The following CDH12 variants were observed in gnomAD, a reference collection of about 807,000 sequenced individuals.
CDH12 encodes cadherin 12, also known as cadherin-12.
Under a neutral mutation model 74.1 loss-of-function variants are expected in CDH12, and 41 were observed. That is an observed-to-expected ratio of 0.55 (90% CI 0.43 to 0.72). CDH12 has a LOEUF of 0.72. CDH12 is among the 30% of genes least tolerant of loss of function. The pLI, the probability that CDH12 is intolerant of heterozygous loss-of-function variation, is 0.00. For synonymous variants in CDH12, 399 were observed against 355.0 expected, an observed-to-expected ratio of 1.12 and a Z score of -1.39; for missense variants, 945 against 977.2, an observed-to-expected ratio of 0.97 and a Z score of 0.44.
At chr5:22,401,564 A>C (rs1040154269) in intron 3 of CDH12, among the ~76,000 whole-genome samples, 1 of 152,126 alleles carries the variant, frequency 6.6e-6, no homozygotes, top group African/African-American at 2.4e-5. Context: ...TCTAGATTCT[A>C]TTTATTGAGG....
chr5:22,597,129 T>C (rs1452650841), intron 1 of CDH12, among the ~76,000 whole-genome samples: 1 of 152,148 alleles, frequency 6.6e-6, no homozygotes, highest in Non-Finnish European at 1.5e-5. Context: ...CAGGTAAAAA[T>C]TCTTTGTCCT....
intron 4 of CDH12, among the ~76,000 whole-genome samples, chr5:22,122,914 T>C (rs1745611040): frequency 6.6e-6 from 1 of 152,222 alleles, no homozygotes; most frequent in South Asian, 2.1e-4. Context: ...ACATCAGCTC[T>C]CCTTGTTCTC....
intron 1 of CDH12, among the ~76,000 whole-genome samples, chr5:22,780,781 T>C (rs1181469610): frequency 2.0e-5 from 3 of 152,158 alleles, no homozygotes; most frequent in Admixed American, 6.6e-5. Context: ...TTTCTCTCTT[T>C]TTTTTAAGTG....
intron 1 of CDH12, among the ~76,000 whole-genome samples, chr5:22,521,897 C>T (rs1737069751): frequency 6.6e-6 from 1 of 152,132 alleles, no homozygotes; most frequent in Non-Finnish European, 1.5e-5. Context: ...TTATATAAGA[C>T]TCATTTTTAT....
chr5:22,723,437 A>T (rs1744003268), intron 1 of CDH12, among the ~76,000 whole-genome samples: 1 of 152,150 alleles, frequency 6.6e-6, no homozygotes, highest in Admixed American at 6.6e-5. Context: ...TGTTAACATT[A>T]AATTTTGGCT....
At chr5:22,744,414 G>A (rs1015318707) in intron 1 of CDH12, among the ~76,000 whole-genome samples, 2 of 148,664 alleles carry the variant, frequency 1.3e-5, no homozygotes, top group East Asian at 2.0e-4. Flanking sequence ...GGGCGACAGA[G>A]TGAGACTCCG....
At chr5:22,666,640 T>C (rs1408713488) in intron 1 of CDH12, among the ~76,000 whole-genome samples, 1 of 152,138 alleles carries the variant, frequency 6.6e-6, no homozygotes, top group African/African-American at 2.4e-5. Flanking sequence ...ATTTTTTAAT[T>C]AACCTACTGC....
intron 1 of CDH12, among the ~76,000 whole-genome samples, chr5:22,571,302 CTCACTAAGCTTAA>C (rs1739527448): frequency 6.6e-6 from 1 of 151,892 alleles, no homozygotes; most frequent in Non-Finnish European, 1.5e-5. Flanking sequence ...TCATGCCTTC[CTCACTAAGCTTAA>C]TCATCTCTAA....
At chr5:22,262,102 A>G (rs967178882) in intron 3 of CDH12, among the ~76,000 whole-genome samples, 3 of 152,014 alleles carry the variant, frequency 2.0e-5, no homozygotes, top group Non-Finnish European at 2.9e-5. Context: ...AATAATGGCA[A>G]TGTAATGCAT....
chr5:22,426,875 A>C (rs1743960422), intron 2 of CDH12, among the ~76,000 whole-genome samples: 1 of 152,142 alleles, frequency 6.6e-6, no homozygotes, highest in South Asian at 2.1e-4. Flanking sequence ...ACCTAAACAA[A>C]CTAATTCTGA....
At chr5:22,425,149 G>C (rs1247235996) in intron 2 of CDH12, among the ~76,000 whole-genome samples, 1 of 94,024 alleles carries the variant, frequency 1.1e-5, no homozygotes, top group Non-Finnish European at 2.0e-5. Context: ...ATATATGTGT[G>C]TGTGTATATA....
In CDH12 at chr5:22,460,969, C is replaced by T. The variant is rs559840251; in HGVS notation, c.-428+44301G>A. Among the ~76,000 whole-genome samples the T allele has an allele frequency of 1.1e-3, 158 of 150,218 alleles. 1 individual carries two copies. Among genetic ancestry groups the T allele is most frequent in the Non-Finnish European group, 1.8e-3 (119 of 67,730 alleles). On this transcript the variant is annotated intron_variant, in intron 2 of 14. Coordinates refer to ENST00000382254, the MANE Select transcript of CDH12 (RefSeq NM_004061.5). ...TTCCTGACCCCAGGTGATCCACCTG[C>T]CTCGGCCTCCCAAAGTGCTGGGATT...
At chr5:22,798,251 C>T (rs530495608) in intron 1 of CDH12, among the ~76,000 whole-genome samples, 1 of 152,104 alleles carries the variant, frequency 6.6e-6, no homozygotes, top group South Asian at 2.1e-4. Flanking sequence ...TTCTCATTTC[C>T]TCTGAGGTTT....
Position 22,517,033 on chromosome 5 carries a change from T to A in CDH12, c.-522-11669A>T, listed in dbSNP as rs181214912. Among the ~76,000 whole-genome samples the A allele has an allele frequency of 5.3e-5, 8 of 152,124 alleles. No homozygotes were observed. In the East Asian group the frequency reaches 1.5e-3, roughly 29 times the overall value. ...TCATTATTGAATTACATTTTCTTTT[T>A]AAAATTTTTTAAAAAATAGCTATAG... On this transcript the variant is annotated intron_variant, in intron 1 of 14. Transcript: ENST00000382254.
chr5:22,057,758 A>T (rs1209612155), intron 5 of CDH12, among the ~76,000 whole-genome samples: 1 of 152,194 alleles, frequency 6.6e-6, no homozygotes, highest in African/African-American at 2.4e-5. Flanking sequence ...AATTACATGG[A>T]AACTCATAGA....
chr5:22,447,954 A>T (rs1439858787), intron 2 of CDH12, among the ~76,000 whole-genome samples: 1 of 146,926 alleles, frequency 6.8e-6, no homozygotes, highest in Non-Finnish European at 1.5e-5. Context: ...CAACCTGGGC[A>T]ACATGATGAG....
At chr5:22,699,796 T>C (rs2126957815) in intron 1 of CDH12, among the ~76,000 whole-genome samples, 1 of 152,304 alleles carries the variant, frequency 6.6e-6, no homozygotes, top group South Asian at 2.1e-4. Context: ...AATCAGAAGA[T>C]TGCCTAATGA....
chr5:22,330,924 C>A lies in CDH12; in HGVS notation c.-333+74333G>T, dbSNP rs530115245. ...CCATGGGCCAAAGGTGAGCACACTG[C>A]CCTAAAGTGTGAGTCCCAGGCTGGG... On this transcript the variant is annotated intron_variant, in intron 3 of 14. Coordinates refer to ENST00000382254, the MANE Select transcript of CDH12 (RefSeq NM_004061.5). Among the ~76,000 whole-genome samples the A allele has an allele frequency of 6.6e-5, 10 of 152,056 alleles. 1 individual carries two copies. The highest frequency in any genetic ancestry group is 2.4e-4 in the African/African-American group (10 of 41,496).
intron 2 of CDH12, among the ~76,000 whole-genome samples, chr5:22,503,594 A>G (rs758214320): frequency 1.3e-5 from 2 of 152,152 alleles, no homozygotes; most frequent in Non-Finnish European, 2.9e-5. Flanking sequence ...TTCTGCATCA[A>G]TATGAATTCC....
Sources: allele counts gnomAD v4.1 joint callset (sites outside exome capture counted in the v4.1 genomes callset), GRCh38; gene constraint gnomAD v4.1.1; transcripts MANE v1.5; gene names NCBI Gene and HGNC (gene_info 2026-07-23, HGNC 2026-07-21).